Variants in GNB4 observed in about 807,000 individuals in gnomAD.
The protein encoded by GNB4 is G protein subunit beta 4, also known as guanine nucleotide-binding protein subunit beta-4.
A neutral mutation model predicts 45.2 loss-of-function variants in GNB4; 28 were observed. The observed-to-expected ratio is 0.62, with a 90% CI of 0.46 to 0.85. GNB4 has a LOEUF of 0.85. Among genes scored for constraint, GNB4 ranks in the 40% least tolerant of loss-of-function variants. The probability of loss-of-function intolerance (pLI) is 0.00; values close to 1 mark genes in which losing one functional copy is unlikely to be tolerated. For synonymous variants in GNB4, 132 were observed against 143.7 expected (o/e 0.92, Z 0.58); for missense variants, 321 against 425.4 (o/e 0.75, Z 2.16).
At chr3:179,484,065 T>C in the GNB4 span, among the ~76,000 whole-genome samples, 1 of 152,206 alleles carries the variant, frequency 6.6e-6, no homozygotes, top group Non-Finnish European at 1.5e-5. Flanking sequence ...TCTCAGCGTC[T>C]TGATCTCTGA....
intron 8 of GNB4, among the ~76,000 whole-genome samples, chr3:179,409,077 G>A (rs1714565111): frequency 6.7e-6 from 1 of 149,554 alleles, no homozygotes; most frequent in Non-Finnish European, 1.5e-5. Flanking sequence ...GCTGCAGTGA[G>A]CCATGACTGC....
At chr3:179,415,848 A>C (rs779080866) in intron 5 of GNB4, among the ~76,000 whole-genome samples, 39 of 152,336 alleles carry the variant, frequency 2.6e-4, no homozygotes, top group Non-Finnish European at 3.8e-4. Flanking sequence ...TAGCTTTAAA[A>C]TCTCAATCAG....
intron 1 of GNB4, among the ~76,000 whole-genome samples, chr3:179,441,980 G>C (rs570340688): frequency 1.3e-5 from 2 of 151,908 alleles, no homozygotes; most frequent in South Asian, 4.2e-4. Flanking sequence ...GCTAATTTTT[G>C]TATTTTAGTA....
At chr3:179,493,720 C>T in the GNB4 span, among the ~76,000 whole-genome samples, 7 of 151,994 alleles carry the variant, frequency 4.6e-5, no homozygotes, top group Admixed American at 2.0e-4. Context: ...GCCATGAAAA[C>T]CAAGTGGAGG....
intron 1 of GNB4, among the ~76,000 whole-genome samples, chr3:179,434,206 A>T (rs1259644153): frequency 6.6e-6 from 1 of 152,222 alleles, no homozygotes; most frequent in African/African-American, 2.4e-5. Flanking sequence ...ATAAACTGCA[A>T]CACCAATGCC....
the GNB4 span, among the ~76,000 whole-genome samples, chr3:179,501,529 T>G: frequency 6.6e-6 from 1 of 151,870 alleles, no homozygotes; most frequent in Non-Finnish European, 1.5e-5. Flanking sequence ...TTTGTCGTGT[T>G]GCCCAGAGTG....
At chr3:179,461,693 ACACT>A in the GNB4 span, among the ~76,000 whole-genome samples, 1 of 152,214 alleles carries the variant, frequency 6.6e-6, no homozygotes, top group South Asian at 2.1e-4. Flanking sequence ...CTATCCTTCT[ACACT>A]AACTAAAAAC....
chr3:179,493,781 G>C, the GNB4 span, among the ~76,000 whole-genome samples: 1 of 152,170 alleles, frequency 6.6e-6, no homozygotes, highest in Non-Finnish European at 1.5e-5. Context: ...TGAGGCAGAG[G>C]TGTAGGGAAA....
chr3:179,435,470 C>CAAAAAAAAAA (rs11389978), intron 1 of GNB4, among the ~76,000 whole-genome samples: 2 of 96,060 alleles, frequency 2.1e-5, no homozygotes, highest in African/African-American at 4.2e-5. Context: ...CTTTCTTTTA[C>CAAAAAAAAAA]AAAAAAAAAA....
the GNB4 span, among the ~76,000 whole-genome samples, chr3:179,498,748 GGT>G: frequency 2.6e-5 from 3 of 117,580 alleles, no homozygotes; most frequent in Non-Finnish European, 5.0e-5. Flanking sequence ...GTTGAGGTTT[GGT>G]TTTTTTTTTT....
the GNB4 span, among the ~76,000 whole-genome samples, chr3:179,499,119 A>G: frequency 6.8e-6 from 1 of 146,022 alleles, no homozygotes; most frequent in Admixed American, 6.8e-5. Context: ...GCTGCATAGT[A>G]TTCCATGGTG....
At chr3:179,508,043 T>C in the GNB4 span, among the ~76,000 whole-genome samples, 485 of 152,306 alleles carry the variant, frequency 3.2e-3, 2 homozygotes, top group African/African-American at 0.011. Flanking sequence ...AAACGGAAGT[T>C]TGGAGGCAGA....
intron 4 of GNB4, among the ~76,000 whole-genome samples, chr3:179,418,470 C>CAAAAAAAAAAAAAAA (rs386356535): frequency 2.6e-4 from 25 of 95,334 alleles, no homozygotes; most frequent in South Asian, 3.6e-4. Context: ...AACTCTGTCT[C>CAAAAAAAAAAAAAAA]AAAAAAAAAA....
intron 1 of GNB4, among the ~76,000 whole-genome samples, chr3:179,441,100 G>A (rs192675754): frequency 7.2e-5 from 11 of 152,244 alleles, no homozygotes; most frequent in Admixed American, 3.3e-4. Context: ...CAACAAACAC[G>A]TATTTGACAC....
the GNB4 span, among the ~76,000 whole-genome samples, chr3:179,482,260 C>A: frequency 6.6e-6 from 1 of 152,092 alleles, no homozygotes; most frequent in Non-Finnish European, 1.5e-5. Context: ...AATTATGGTT[C>A]CCTATTTAAA....
chr3:179,448,899 C>T (rs895283506), intron 1 of GNB4, among the ~76,000 whole-genome samples: 9 of 152,094 alleles, frequency 5.9e-5, no homozygotes, highest in African/African-American at 2.2e-4. Context: ...GGCAACACAG[C>T]GAGATCCCGC....
At chr3:179,515,215 T>C in the GNB4 span, among the ~76,000 whole-genome samples, 1 of 152,252 alleles carries the variant, frequency 6.6e-6, no homozygotes, top group Non-Finnish European at 1.5e-5. Flanking sequence ...GATAGTATTC[T>C]AAGTGCTTTT....
At chr3:179,426,646 G>T (rs6769014) in intron 1 of GNB4, among the ~76,000 whole-genome samples, 24 of 151,944 alleles carry the variant, frequency 1.6e-4, no homozygotes, top group African/African-American at 5.6e-4. Flanking sequence ...CTCAGGAAAC[G>T]GCAAGACCAT....
chr3:179,469,419 A>G, the GNB4 span, among the ~76,000 whole-genome samples: 5 of 152,234 alleles, frequency 3.3e-5, no homozygotes, highest in Admixed American at 2.0e-4. Context: ...CAAGTAGAAC[A>G]AATACTTTTT....
Sources: allele counts gnomAD v4.1 joint callset (sites outside exome capture counted in the v4.1 genomes callset), GRCh38; gene constraint gnomAD v4.1.1; transcripts MANE v1.5; gene names NCBI Gene and HGNC (gene_info 2026-07-23, HGNC 2026-07-21).